Variants in NAALADL2 observed in about 807,000 individuals in gnomAD.
NAALADL2 encodes the protein inactive N-acetylated-alpha-linked acidic dipeptidase-like protein 2.
Under a neutral mutation model 87.2 loss-of-function variants are expected in NAALADL2, and 76 were observed. The ratio of observed to expected loss-of-function variants is 0.87; its 90% CI spans 0.72 to 1.05. The LOEUF is 1.05. Among genes scored for constraint, NAALADL2 ranks in the 50% least tolerant of loss-of-function variants. The pLI, the probability that NAALADL2 is intolerant of heterozygous loss-of-function variation, is 0.00. For missense variants in NAALADL2, 1,089 were observed against 945.8 expected (o/e 1.15, Z -1.99); for synonymous variants, 354 against 331.0 (o/e 1.07, Z -0.75).
intron 5 of NAALADL2, among the ~76,000 whole-genome samples, chr3:175,365,464 G>A (rs1044249733): frequency 4.7e-5 from 7 of 147,492 alleles, no homozygotes; most frequent in South Asian, 4.4e-4. Flanking sequence ...CTAGTAAATG[G>A]AATAGAAGTC....
chr3:175,663,945 G>T (rs1193758772), intron 11 of NAALADL2, among the ~76,000 whole-genome samples: 1 of 151,940 alleles, frequency 6.6e-6, no homozygotes, highest in Non-Finnish European at 1.5e-5. Flanking sequence ...GTGAGACAGT[G>T]ATTAATCCTT....
intron 11 of NAALADL2, among the ~76,000 whole-genome samples, chr3:175,629,904 G>A (rs1015980949): frequency 2.0e-5 from 3 of 151,772 alleles, no homozygotes; most frequent in African/African-American, 4.8e-5. Context: ...TATATTGTAC[G>A]TGTGTTTTAA....
At chr3:175,241,989 G>A (rs1219439540) in intron 3 of NAALADL2, among the ~76,000 whole-genome samples, 3 of 148,642 alleles carry the variant, frequency 2.0e-5, no homozygotes, top group African/African-American at 7.4e-5. Context: ...AGCCTCCCAA[G>A]TAGCTGGGAT....
intron 5 of NAALADL2, among the ~76,000 whole-genome samples, chr3:175,426,924 G>A (rs369645809): frequency 1.8e-3 from 269 of 152,222 alleles, no homozygotes; most frequent in African/African-American, 6.1e-3. Flanking sequence ...TGTGATGACC[G>A]GAAACAGAAT....
At chr3:175,013,070 T>TATAA (rs1750112034) in intron 1 of NAALADL2, among the ~76,000 whole-genome samples, 1 of 108,040 alleles carries the variant, frequency 9.3e-6, no homozygotes, top group Non-Finnish European at 1.8e-5. Context: ...CACATATATA[T>TATAA]AAATATGTAA....
At chr3:174,771,176 A>G (rs2109108264) in intron 3 of NAALADL2, among the ~76,000 whole-genome samples, 1 of 152,324 alleles carries the variant, frequency 6.6e-6, no homozygotes, top group South Asian at 2.1e-4. Flanking sequence ...ACTTTTGGGT[A>G]TCAAGGATAT....
chr3:175,383,409 C>A (rs1343502031), intron 5 of NAALADL2, among the ~76,000 whole-genome samples: 1 of 141,920 alleles, frequency 7.0e-6, no homozygotes, highest in Non-Finnish European at 1.6e-5. Flanking sequence ...CACTTCACGT[C>A]CATATCAGTT....
chr3:175,498,925 T>G (rs1464335609), intron 9 of NAALADL2, among the ~76,000 whole-genome samples: 1 of 152,126 alleles, frequency 6.6e-6, no homozygotes, highest in Non-Finnish European at 1.5e-5. Flanking sequence ...AGATCCTATC[T>G]GCATTCTTAC....
chr3:174,613,566 C>T (rs1274955480), intron 2 of NAALADL2, among the ~76,000 whole-genome samples: 12 of 152,176 alleles, frequency 7.9e-5, no homozygotes, highest in Admixed American at 7.9e-4. Context: ...ACCACTGGCA[C>T]CATAGGACAA....
intron 3 of NAALADL2, among the ~76,000 whole-genome samples, chr3:174,815,361 G>A (rs1283426977): frequency 6.6e-6 from 1 of 152,122 alleles, no homozygotes; most frequent in Non-Finnish European, 1.5e-5. Flanking sequence ...ACTTGTGGAT[G>A]GTTATCTTCT....
At chr3:175,499,832 C>G (rs181040741) in intron 9 of NAALADL2, among the ~76,000 whole-genome samples, 1 of 152,002 alleles carries the variant, frequency 6.6e-6, no homozygotes, top group Admixed American at 6.6e-5. Flanking sequence ...TTGTAGGAAG[C>G]CTGCTATGTA....
At chr3:174,833,677 A>C (rs558079636) in intron 3 of NAALADL2, among the ~76,000 whole-genome samples, 1 of 152,104 alleles carries the variant, frequency 6.6e-6, no homozygotes, top group Non-Finnish European at 1.5e-5. Context: ...ATCAAATTCA[A>C]TGCAGCTATA....
At chr3:175,165,811 G>A (rs1305073181) in intron 2 of NAALADL2, among the ~76,000 whole-genome samples, 1 of 152,018 alleles carries the variant, frequency 6.6e-6, no homozygotes, top group Non-Finnish European at 1.5e-5. Context: ...CCCAAACACA[G>A]AGACACCTCG....
intron 2 of NAALADL2, among the ~76,000 whole-genome samples, chr3:174,682,497 TGTG>T (rs1305268763): frequency 6.6e-6 from 1 of 152,168 alleles, no homozygotes; most frequent in East Asian, 1.9e-4. Flanking sequence ...CAGTCCCAGT[TGTG>T]GTGGCCACAG....
At chr3:175,238,552 A>G (rs539783080) in intron 3 of NAALADL2, among the ~76,000 whole-genome samples, 2 of 152,298 alleles carry the variant, frequency 1.3e-5, no homozygotes, top group African/African-American at 4.8e-5. Context: ...TTAAATATCT[A>G]TATCAAGAAA....
At chr3:175,415,989 G>T (rs552772128) in intron 5 of NAALADL2, among the ~76,000 whole-genome samples, 1 of 151,342 alleles carries the variant, frequency 6.6e-6, no homozygotes, top group Admixed American at 6.6e-5. Context: ...AGGGCATGAT[G>T]GTGCATACCT....
intron 11 of NAALADL2, among the ~76,000 whole-genome samples, chr3:175,631,450 C>CTTTT (rs34282283): frequency 4.3e-5 from 6 of 139,042 alleles, no homozygotes; most frequent in Admixed American, 2.9e-4. Flanking sequence ...CCCTGTAGTT[C>CTTTT]TTTTTTTTTT....
At chr3:175,502,487 A>C (rs1729694489) in intron 9 of NAALADL2, among the ~76,000 whole-genome samples, 1 of 152,092 alleles carries the variant, frequency 6.6e-6, no homozygotes, top group Non-Finnish European at 1.5e-5. Context: ...TGAGAATTGA[A>C]CTGAAACATT....
chr3:174,921,065 A>G (rs192866173), intron 1 of NAALADL2, among the ~76,000 whole-genome samples: 1 of 152,294 alleles, frequency 6.6e-6, no homozygotes, highest in Non-Finnish European at 1.5e-5. Context: ...TAACAGATAT[A>G]ATAATAATGA....
Sources: allele counts gnomAD v4.1 joint callset (sites outside exome capture counted in the v4.1 genomes callset), GRCh38; gene constraint gnomAD v4.1.1; transcripts MANE v1.5; gene names NCBI Gene and HGNC (gene_info 2026-07-23, HGNC 2026-07-21).